The following MEGF11 variants were observed in gnomAD, a reference collection of about 807,000 sequenced individuals.
The protein encoded by MEGF11 is multiple epidermal growth factor-like domains protein 11.
MEGF11 carries 126 observed loss-of-function variants against 146.6 expected under a neutral mutation model. That is an observed-to-expected ratio of 0.86 (90% CI 0.74 to 1.00). The LOEUF is 1.00. MEGF11 is among the 50% of genes least tolerant of loss of function. The pLI, the probability that MEGF11 is intolerant of heterozygous loss-of-function variation, is 0.00. For synonymous variants in MEGF11, 532 were observed against 583.4 expected (o/e 0.91, Z 1.27); for missense variants, 1,509 against 1,521.2 (o/e 0.99, Z 0.13).
At chr15:65,921,360 T>C (rs16949100) in intron 15 of MEGF11, among the ~76,000 whole-genome samples, 50,600 of 152,014 alleles carry the variant, frequency 0.33, 9,264 homozygotes, top group East Asian at 0.66. Context: ...GTTCTGAAGG[T>C]CCCAGCCTAC....
intron 1 of MEGF11, among the ~76,000 whole-genome samples, chr15:66,225,030 G>A (rs537839903): frequency 2.0e-5 from 3 of 152,336 alleles, no homozygotes; most frequent in Admixed American, 6.5e-5. Flanking sequence ...GAAAGAACAC[G>A]GCGTGTGTGG....
Position 66,235,280 on chromosome 15 carries a change from T to C in MEGF11, c.-9+18325A>G, listed in dbSNP as rs146772189. Among the ~76,000 whole-genome samples the C allele has an allele frequency of 3.3e-3, 497 of 152,088 alleles. 4 individuals are homozygous for C. Among genetic ancestry groups the C allele is most frequent in the African/African-American group, 0.011 (465 of 41,472 alleles). ...CAATTTGGGAGGCTGAGGAGGAGGA[T>C]TGCTTGAGTCCAGAAGTTTGAGACC... On this transcript the variant is annotated intron_variant, in intron 1 of 25. Coordinates refer to ENST00000395614, the MANE Select transcript of MEGF11 (RefSeq NM_001385028.1).
intron 8 of MEGF11, among the ~76,000 whole-genome samples, chr15:65,967,967 G>C (rs1280043781): frequency 6.6e-6 from 1 of 152,142 alleles, no homozygotes; most frequent in Non-Finnish European, 1.5e-5. Flanking sequence ...TTAGAGTTAA[G>C]GAGGCTGCCA....
At chr15:66,071,250 C>T (rs557478118) in intron 5 of MEGF11, among the ~76,000 whole-genome samples, 303 of 152,306 alleles carry the variant, frequency 2.0e-3, no homozygotes, top group African/African-American at 7.0e-3. Context: ...CTAGACTCTA[C>T]GTTCCTTGAG....
chr15:66,036,105 C>T (rs2083715995), intron 5 of MEGF11, among the ~76,000 whole-genome samples: 1 of 152,248 alleles, frequency 6.6e-6, no homozygotes, highest in Non-Finnish European at 1.5e-5. Context: ...GGGCCAGGAG[C>T]TGGCATCCCT....
chr15:66,160,706 C>CACA (rs1567268108), intron 1 of MEGF11, among the ~76,000 whole-genome samples: 4 of 145,176 alleles, frequency 2.8e-5, no homozygotes, highest in South Asian at 2.1e-4. Context: ...CACACACACA[C>CACA]CCTTGCCCTA....
intron 5 of MEGF11, among the ~76,000 whole-genome samples, chr15:66,057,409 T>C (rs1366562276): frequency 2.0e-5 from 3 of 152,108 alleles, no homozygotes; most frequent in Non-Finnish European, 4.4e-5. Context: ...AACAAGTTAA[T>C]TCGTCACTGT....
chr15:66,013,506 C>T (rs1210336100), intron 5 of MEGF11, among the ~76,000 whole-genome samples: 1 of 152,208 alleles, frequency 6.6e-6, no homozygotes, highest in African/African-American at 2.4e-5. Context: ...GGGCACCTGA[C>T]ATGCACATTC....
chr15:66,030,420 T>C (rs2083475811), intron 5 of MEGF11, among the ~76,000 whole-genome samples: 1 of 152,190 alleles, frequency 6.6e-6, no homozygotes, highest in Non-Finnish European at 1.5e-5. Flanking sequence ...AACCTTTTTA[T>C]TCTTTTTTGA....
At chr15:66,119,014 C>T in intron 4 of MEGF11, 72 bp downstream of exon 4, 1 of 949,382 alleles carries the variant, frequency 1.1e-6, no homozygotes, top group Non-Finnish European at 1.6e-6. Context: ...AGCCCCACCT[C>T]CCCTCCCCTC....
At chr15:66,020,909 G>A (rs548883270) in intron 5 of MEGF11, among the ~76,000 whole-genome samples, 4 of 149,270 alleles carry the variant, frequency 2.7e-5, no homozygotes, top group African/African-American at 9.9e-5. Context: ...GGAGAATGGC[G>A]TGAACCCAGG....
intron 1 of MEGF11, among the ~76,000 whole-genome samples, chr15:66,173,418 C>T (rs921601436): frequency 6.6e-6 from 1 of 152,096 alleles, no homozygotes; most frequent in Non-Finnish European, 1.5e-5. Flanking sequence ...CGGTTTCAAG[C>T]GATTCTCCTG....
At chr15:66,002,182 A>G (rs577730204) in intron 5 of MEGF11, among the ~76,000 whole-genome samples, 301 of 152,216 alleles carry the variant, frequency 2.0e-3, no homozygotes, top group Middle Eastern at 3.4e-3. Flanking sequence ...TAATGAGCTC[A>G]TGGCGCAAGC....
chr15:66,210,474 C>T (rs1006938179), intron 1 of MEGF11, among the ~76,000 whole-genome samples: 9 of 152,096 alleles, frequency 5.9e-5, no homozygotes, highest in African/African-American at 1.4e-4. Context: ...AAAGTTTGAT[C>T]GCTAAGGGGA....
At chr15:66,135,243 G>A (rs1357923289) in intron 1 of MEGF11, among the ~76,000 whole-genome samples, 1 of 151,944 alleles carries the variant, frequency 6.6e-6, no homozygotes, top group Non-Finnish European at 1.5e-5. Context: ...CTAAGGAACT[G>A]GAAGAAAAAA....
intron 9 of MEGF11, among the ~76,000 whole-genome samples, chr15:65,962,849 G>A (rs907903664): frequency 3.3e-5 from 5 of 152,126 alleles, no homozygotes; most frequent in African/African-American, 1.2e-4. Flanking sequence ...CACGCTCAGA[G>A]CCCCCACTCT....
chr15:66,212,059 G>A (rs965836896), intron 1 of MEGF11, among the ~76,000 whole-genome samples: 11 of 846 alleles, frequency 0.013, no homozygotes, highest in African/African-American at 0.03. Flanking sequence ...CCCAGGCAGG[G>A]GGAGACAGCC....
chr15:66,215,956 G>T (rs913376308), intron 1 of MEGF11, among the ~76,000 whole-genome samples: 1 of 152,148 alleles, frequency 6.6e-6, no homozygotes, highest in Non-Finnish European at 1.5e-5. Flanking sequence ...TCTCCAACCC[G>T]TCTGAGATGA....
At chr15:66,216,547 G>A (rs1365211445) in intron 1 of MEGF11, among the ~76,000 whole-genome samples, 1 of 152,136 alleles carries the variant, frequency 6.6e-6, no homozygotes, top group Non-Finnish European at 1.5e-5. Flanking sequence ...GGGCCCTGCT[G>A]AGCAACCCAC....
Sources: gnomAD v4.1 joint callset for allele counts (sites outside exome capture counted in the v4.1 genomes callset) on GRCh38, gnomAD v4.1.1 for gene constraint, MANE v1.5 for transcripts, NCBI Gene and HGNC (gene_info 2026-07-23, HGNC 2026-07-21) for gene names.